Variants in OXR1 observed in about 807,000 individuals in gnomAD.
OXR1 encodes oxidation resistance 1.
Under a neutral mutation model 104.6 loss-of-function variants are expected in OXR1, and 41 were observed. The ratio of observed to expected loss-of-function variants is 0.39; its 90% CI spans 0.31 to 0.51. The LOEUF (loss-of-function observed/expected upper bound fraction) is 0.51. OXR1 is among the 20% of genes least tolerant of loss of function. The pLI, the probability that OXR1 is intolerant of heterozygous loss-of-function variation, is 0.77. For missense variants in OXR1, 955 were observed against 1,031.9 expected (o/e 0.93, Z 1.02); for synonymous variants, 348 against 348.4 (o/e 1.00, Z 0.01).
chr8:106,626,196 T>A (rs1822142126), intron 3 of OXR1, among the ~76,000 whole-genome samples: 1 of 151,910 alleles, frequency 6.6e-6, no homozygotes, highest in Admixed American at 6.6e-5. Flanking sequence ...AGATAGCTAA[T>A]CCTGTTTTTC....
At chr8:106,459,172 C>A (rs1008627398) in intron 2 of OXR1, among the ~76,000 whole-genome samples, 1 of 152,066 alleles carries the variant, frequency 6.6e-6, no homozygotes, top group Admixed American at 6.6e-5. Flanking sequence ...ATCCCCAGTG[C>A]AACAGTGTTG....
At chr8:106,327,364 A>C (rs1814512862) in intron 1 of OXR1, among the ~76,000 whole-genome samples, 1 of 152,178 alleles carries the variant, frequency 6.6e-6, no homozygotes, top group African/African-American at 2.4e-5. Flanking sequence ...TAAATGTTAA[A>C]TTACTATAAG....
At chr8:106,679,758 C>CT (rs201152528) in intron 4 of OXR1, among the ~76,000 whole-genome samples, 2,710 of 144,228 alleles carry the variant, frequency 0.019, 40 homozygotes, top group Admixed American at 0.048. Flanking sequence ...AAACATTGAG[C>CT]TTTTTTTTTT....
rs73311243 is a variant in OXR1 at position 106,587,467 on chromosome 8, A to G, written c.220+68328A>G. Reference sequence around the variant, plus strand: ...TTTCACTTGAAGCTCACACTCATAAATATCTTAGCAAAGCTTGCTTATCAT... The same window carrying G: ...TTTCACTTGAAGCTCACACTCATAAGTATCTTAGCAAAGCTTGCTTATCAT... On this transcript the variant is annotated intron_variant, in intron 3 of 16. Transcript: ENST00000517566. Among the ~76,000 whole-genome samples, 1,076 of 152,352 alleles carry G rather than the reference A, an allele frequency of 7.1e-3. 13 individuals are homozygous for G. Among genetic ancestry groups the G allele is most frequent in the African/African-American group, 0.024 (999 of 41,572 alleles).
intron 1 of OXR1, among the ~76,000 whole-genome samples, chr8:106,303,378 C>T (rs1174444116): frequency 2.7e-5 from 4 of 150,464 alleles, no homozygotes; most frequent in African/African-American, 4.9e-5. Context: ...CTCAGCCTCC[C>T]GAGTAGCCCG....
intron 2 of OXR1, among the ~76,000 whole-genome samples, chr8:106,454,381 A>T (rs1820486706): frequency 6.6e-6 from 1 of 151,660 alleles, no homozygotes; most frequent in South Asian, 2.1e-4. Flanking sequence ...GAATTGCTTG[A>T]AGCTGGGAAG....
At position 106,304,271 on chromosome 8, in the gene OXR1, A is replaced by G. The variant is rs201636993; in HGVS notation, c.-139+33904A>G. On this transcript the variant is annotated intron_variant, in intron 1 of 16. Transcript: ENST00000517566. The stretch of plus-strand genomic sequence containing the variant: ...GCTTGAAGACATATTTTCTTGGAAA[A>G]GTGTTTTGAATTTGATCATTTCTTC... Among the ~76,000 whole-genome samples, 3 of 152,260 alleles carry G rather than the reference A, an allele frequency of 2.0e-5. No individual in the cohort carries two copies. The East Asian group carries it at 5.8e-4, about 29-fold the overall frequency.
intron 1 of OXR1, among the ~76,000 whole-genome samples, chr8:106,333,053 A>T (rs1456757066): frequency 6.6e-6 from 1 of 152,130 alleles, no homozygotes; most frequent in Non-Finnish European, 1.5e-5. Flanking sequence ...TCAATTGATA[A>T]ACTAGAATAA....
At chr8:106,284,853 A>G (rs1430422647) in intron 1 of OXR1, among the ~76,000 whole-genome samples, 22 of 152,086 alleles carry the variant, frequency 1.4e-4, no homozygotes, top group Admixed American at 1.2e-3. Context: ...TTTGCTTGCT[A>G]TTGCCATAGC....
intron 2 of OXR1, among the ~76,000 whole-genome samples, chr8:106,456,964 A>AATCCATCTG (rs1319753586): frequency 6.6e-6 from 1 of 152,238 alleles, no homozygotes; most frequent in Non-Finnish European, 1.5e-5. Flanking sequence ...ACCTTTAATT[A>AATCCATCTG]AGTGGCTAAG....
At chr8:106,632,396 A>G (rs557785519) in intron 3 of OXR1, among the ~76,000 whole-genome samples, 1 of 152,330 alleles carries the variant, frequency 6.6e-6, no homozygotes, top group East Asian at 1.9e-4. Flanking sequence ...TTGTTTCTGG[A>G]TAATCTTATT....
intron 1 of OXR1, among the ~76,000 whole-genome samples, chr8:106,324,049 A>G (rs1258234268): frequency 2.0e-5 from 3 of 152,202 alleles, no homozygotes; most frequent in Non-Finnish European, 4.4e-5. Context: ...TACCATAAAG[A>G]TGCATGCACG....
intron 2 of OXR1, among the ~76,000 whole-genome samples, chr8:106,478,996 A>G (rs973529202): frequency 5.3e-5 from 8 of 151,890 alleles, no homozygotes; most frequent in Admixed American, 2.0e-4. Flanking sequence ...TACTTTTGAT[A>G]ATTCATAGAT....
intron 3 of OXR1, among the ~76,000 whole-genome samples, chr8:106,534,002 C>G (rs1043699679): frequency 6.6e-6 from 1 of 152,150 alleles, no homozygotes; most frequent in Non-Finnish European, 1.5e-5. Context: ...CGTGAACCAC[C>G]ACGCGCAGCC....
intron 2 of OXR1, among the ~76,000 whole-genome samples, chr8:106,419,163 T>C (rs1818801775): frequency 6.6e-6 from 1 of 152,090 alleles, no homozygotes; most frequent in African/African-American, 2.4e-5. Context: ...TGTGAGCAAT[T>C]GAGAGTTGTG....
intron 1 of OXR1, among the ~76,000 whole-genome samples, chr8:106,329,972 A>G (rs2130219522): frequency 6.6e-6 from 1 of 151,878 alleles, no homozygotes; most frequent in South Asian, 2.1e-4. Context: ...ACTTTAAATG[A>G]ATGTTGGCTA....
intron 4 of OXR1, among the ~76,000 whole-genome samples, chr8:106,679,718 A>T (rs181430419): frequency 5.3e-5 from 8 of 151,060 alleles, no homozygotes; most frequent in Non-Finnish European, 8.9e-5. Flanking sequence ...AATCATTTGT[A>T]TTTATTTATA....
intron 1 of OXR1, among the ~76,000 whole-genome samples, chr8:106,281,342 T>C (rs1444586274): frequency 6.6e-6 from 1 of 152,066 alleles, no homozygotes; most frequent in East Asian, 1.9e-4. Context: ...GATAAACAAA[T>C]AGTCATGGAT....
chr8:106,471,981 T>G (rs750464907), intron 2 of OXR1, among the ~76,000 whole-genome samples: 4 of 151,876 alleles, frequency 2.6e-5, no homozygotes, highest in Non-Finnish European at 5.9e-5. Flanking sequence ...TTAATTAATT[T>G]ACCAACCCTA....
Sources: allele counts gnomAD v4.1 joint callset (sites outside exome capture counted in the v4.1 genomes callset), GRCh38; gene constraint gnomAD v4.1.1; transcripts MANE v1.5; gene names NCBI Gene and HGNC (gene_info 2026-07-23, HGNC 2026-07-21).